The following MORC2 variants were observed in gnomAD, a reference collection of about 807,000 sequenced individuals.
MORC2 encodes the protein ATPase MORC2.
A neutral mutation model predicts 136.0 loss-of-function variants in MORC2; 30 were observed. That is an observed-to-expected ratio of 0.22 (90% CI 0.17 to 0.30). The LOEUF is 0.30. Ranked by LOEUF, MORC2 falls within the 10% of genes least tolerant of loss-of-function variation. The probability of loss-of-function intolerance (pLI) is 1.00; values close to 1 mark genes in which losing one functional copy is unlikely to be tolerated. For synonymous variants in MORC2, 439 were observed against 487.0 expected, an observed-to-expected ratio of 0.90 and a Z score of 1.30; for missense variants, 922 against 1,333.1, an observed-to-expected ratio of 0.69 and a Z score of 4.80.
At chr22:30,949,914 G>C (rs541172613) in intron 4 of MORC2, 72 bp from the exon 5 acceptor site, 78 of 1,415,054 alleles carry the variant, frequency 5.5e-5, no homozygotes, top group Middle Eastern at 3.6e-4. Flanking sequence ...TCAAAGGTCT[G>C]AGCCTTGTTA....
chr22:30,937,526 A>G lies in MORC2; in HGVS notation c.1498+57T>C. On this transcript the variant is annotated intron_variant, in intron 15 of 25. Coordinates refer to ENST00000397641, the MANE Select transcript of MORC2 (RefSeq NM_001303256.3). The surrounding 1 kb of genome is among the most constrained non-coding windows in gnomAD (Gnocchi z 4.7). Reference sequence around the variant, plus strand: ...TTAGGAGGCTGGCAGGAAGATAGAGAAAAGAGGCTTGTGGGCTGATGGAAA... The same window carrying G: ...TTAGGAGGCTGGCAGGAAGATAGAGGAAAGAGGCTTGTGGGCTGATGGAAA... 2 of 1,587,902 alleles carry G rather than the reference A, an allele frequency of 1.3e-6. No individual in the cohort carries two copies. The highest frequency in any genetic ancestry group is 1.7e-6 in the Non-Finnish European group (2 of 1,168,464).
chr22:30,927,929 T>A (rs5997811), intron 25 of MORC2, 90 bp downstream of exon 25: 12 of 1,477,774 alleles, frequency 8.1e-6, no homozygotes, highest in African/African-American at 2.8e-5. Context: ...TGTGAGTGGA[T>A]AGATTCTTGT....
rs975710781 is a variant in MORC2 at position 30,941,088 on chromosome 22, A to G, written c.825-251T>C. 2.0e-5 allele frequency among the ~76,000 whole-genome samples: 3 copies of G among 152,154 alleles called. No individual in the cohort carries two copies. The highest frequency in any genetic ancestry group is 2.1e-4 in the South Asian group (1 of 4,828). On this transcript the variant is annotated intron_variant, in intron 9 of 25. Coordinates refer to ENST00000397641, the MANE Select transcript of MORC2 (RefSeq NM_001303256.3). This position sits in a 1 kb window ranked among gnomAD's most constrained non-coding sequence, Gnocchi z 4.6. ...TTGTCATTCATCCCACAGCAGAAAC[A>G]AACCTCAGGAGTAAGCCAAGCCCAC...
chr22:30,961,898 A>T (rs1318323267), intron 1 of MORC2, among the ~76,000 whole-genome samples: 1 of 152,192 alleles, frequency 6.6e-6, no homozygotes, highest in Admixed American at 6.5e-5. Context: ...CACCTGCCAC[A>T]CAGTGCTTAG....
rs761141573 is a variant in MORC2 at position 30,941,813 on chromosome 22, C to A, written c.698+78G>T. 3.7e-5 allele frequency: 49 copies of A among 1,319,680 alleles called. No homozygotes were observed. The highest frequency in any genetic ancestry group is 5.2e-5 in the Non-Finnish European group (48 of 923,522). The allele number at this position is 1,319,680 out of a possible 1,614,324, so 81.7% of individuals were successfully genotyped here. A position where few individuals can be genotyped will look rare whatever the true frequency, so the allele number is the denominator to read the frequency against. ...GAACACTGGGCAATGAATGTGCTCTCCCCTCTTTCCCTGAAGCCATCTCCT... is the reference window on the plus strand; with the variant it reads ...GAACACTGGGCAATGAATGTGCTCTACCCTCTTTCCCTGAAGCCATCTCCT... On this transcript the variant is annotated intron_variant, in intron 8 of 25. Coordinates refer to ENST00000397641, the MANE Select transcript of MORC2 (RefSeq NM_001303256.3). This position sits in a 1 kb window ranked among gnomAD's most constrained non-coding sequence, Gnocchi z 4.6.
rs1387328742 is a variant in MORC2, at chr22:30,968,325, T to C, written c.-436A>G. On this transcript the variant is annotated 5_prime_UTR_variant, in exon 1 of 26. It removes the in-frame stop codon of an upstream open reading frame in the 5' UTR. Transcript: ENST00000397641. ...TCAGGAAATTTACCAACGCGGAAATTTACCCACTTCTGTCAGAAAACTGAT... is the reference window on the plus strand; with the variant it reads ...TCAGGAAATTTACCAACGCGGAAATCTACCCACTTCTGTCAGAAAACTGAT... 1 of 158,196 alleles carries C rather than the reference T, an allele frequency of 6.3e-6. No individual in the cohort carries two copies. Among genetic ancestry groups the C allele is most frequent in the East Asian group, 1.9e-4 (1 of 5,296 alleles). The allele number at this position is 158,196 out of a possible 1,614,324, so 9.8% of individuals were successfully genotyped here.
intron 4 of MORC2, 51 bp from the exon 5 acceptor site, chr22:30,949,893 G>A: frequency 1.3e-6 from 2 of 1,547,872 alleles, no homozygotes; most frequent in East Asian, 4.5e-5. Flanking sequence ...TCTTTCCCAG[G>A]GTCCTCAAAG....
chr22:30,960,423 T>C (rs2041026306), intron 1 of MORC2, among the ~76,000 whole-genome samples: 1 of 152,164 alleles, frequency 6.6e-6, no homozygotes, highest in African/African-American at 2.4e-5. Context: ...ACCTAGGAAA[T>C]AGAGTTCAAA....
chr22:30,964,243 G>A (rs1317984888), intron 1 of MORC2, among the ~76,000 whole-genome samples: 1 of 152,190 alleles, frequency 6.6e-6, no homozygotes, highest in African/African-American at 2.4e-5. Context: ...TGTAGTCCCA[G>A]CTACTTGGAA....
rs2040634210 is a variant in MORC2, at chr22:30,935,135, A to G, written c.1839T>C (p.Pro613=). Residue 613 remains proline (P), a synonymous_variant, in exon 19 of 26, where the codon CCT becomes CCC. Coordinates refer to ENST00000397641, the MANE Select transcript of MORC2 (RefSeq NM_001303256.3). Reference sequence around the variant, plus strand: ...TCACAGCAGGTAAAGGGGGCGACCGAGGACGCTGAGGTCTACGCACAGGTT... The same window carrying G: ...TCACAGCAGGTAAAGGGGGCGACCGGGGACGCTGAGGTCTACGCACAGGTT... The part of the protein sequence containing the change: ...TEEPVRRPQR[P]RSPPLPAVIR... The G allele has an allele frequency of 1.2e-6, 2 of 1,613,074 alleles. No individual in the cohort carries two copies. Among genetic ancestry groups the G allele is most frequent in the African/African-American group, 2.7e-5 (2 of 74,830 alleles).
At chr22:30,945,546 A>G (rs943361329) in intron 6 of MORC2, among the ~76,000 whole-genome samples, 10 of 152,116 alleles carry the variant, frequency 6.6e-5, no homozygotes, top group Non-Finnish European at 8.8e-5. Flanking sequence ...AGGAAAGGAG[A>G]TAAGAGTCCA....
chr22:30,927,408 G>C (rs921145916), intron 25 of MORC2, among the ~76,000 whole-genome samples: 1 of 152,134 alleles, frequency 6.6e-6, no homozygotes, highest in African/African-American at 2.4e-5. Flanking sequence ...CAGGCCTCAA[G>C]TCCTGCTCTT....
chr22:30,958,520 A>G, intron 2 of MORC2, 121 bp downstream of exon 2: 4 of 620,456 alleles, frequency 6.4e-6, no homozygotes, highest in Non-Finnish European at 1.1e-5. Context: ...GCATCCTAGG[A>G]GTTACAGAAT....
In MORC2 at chr22:30,940,049, CCA is replaced by C. The variant is rs757123225; in HGVS notation, c.905-10_905-9del. The C allele has an allele frequency of 6.2e-7, 1 of 1,612,736 alleles. No homozygotes were observed. The highest frequency in any genetic ancestry group is 1.3e-5 in the African/African-American group (1 of 74,880). On this transcript the variant is annotated splice_polypyrimidine_tract_variant and intron_variant, in intron 10 of 25. Coordinates refer to ENST00000397641, the MANE Select transcript of MORC2 (RefSeq NM_001303256.3). ...CCCGCGCCTTCTCTTCAGCTGAAAC[CCA>C]GAAGAGAACATGGTAAGAAATGCAA...
intron 1 of MORC2, among the ~76,000 whole-genome samples, chr22:30,963,041 G>A (rs929098524): frequency 6.6e-6 from 1 of 150,952 alleles, no homozygotes; most frequent in African/African-American, 2.4e-5. Context: ...TGGTGCGATC[G>A]GCTCACTGCA....
At chr22:30,933,070 T>G (rs767964676) in intron 21 of MORC2, 40 bp from the exon 22 acceptor site, 3 of 1,609,484 alleles carry the variant, frequency 1.9e-6, no homozygotes, top group Non-Finnish European at 2.5e-6. Context: ...AAAACTAGCG[T>G]AGAGTCCCTC....
At position 30,937,824 on chromosome 22, in the gene MORC2, T is replaced by C. The variant is rs746856419; in HGVS notation, c.1360A>G (p.Ile454Val). 2 of 1,614,034 alleles carry C rather than the reference T, an allele frequency of 1.2e-6. No homozygotes were observed. The highest frequency in any genetic ancestry group is 3.3e-5 in the Admixed American group (2 of 60,020). The stretch of plus-strand genomic sequence containing the variant: ...AGCCCAGCCCCATTACCGATGGCAA[T>C]ATCCTTCCAATACTGCGCCAGGTGC... ...GEHLAQYWKD[I>V]AIAQRGIIKF... is the part of the protein sequence containing the mutation. Residue 454 changes from isoleucine to valine, a missense_variant, in exon 14 of 26, where the codon ATT becomes GTT. Ile to Val is a conservative substitution (Grantham distance 29). This residue lies in a region of MORC2 where 119 missense variants were observed against 202.7 expected (regional missense o/e 0.59). Transcript: ENST00000397641. This position sits in a 1 kb window ranked among gnomAD's most constrained non-coding sequence, Gnocchi z 4.7.
chr22:30,959,876 C>T (rs1484674832), intron 1 of MORC2, among the ~76,000 whole-genome samples: 1 of 152,226 alleles, frequency 6.6e-6, no homozygotes, highest in Non-Finnish European at 1.5e-5. Context: ...AAATGTAAAA[C>T]ATTTATTAAA....
rs1602489695 is a variant in MORC2 at position 30,940,771 on chromosome 22, G to A, written c.891C>T (p.His297=). 8 of 1,613,956 alleles carry A rather than the reference G, an allele frequency of 5.0e-6. No individual in the cohort carries two copies. The highest frequency in any genetic ancestry group is 6.8e-6 in the Non-Finnish European group (8 of 1,179,964). ...GAGTGGCATTACCAATCCTTGCTAC[G>A]TGCTCTGCTTTCTTCACCTCCTGCT... ...RAEQEVKKAE[H]VARIAEEKAR... The change falls in exon 10 of 26, where the codon CAC becomes CAT. Residue 297 remains histidine (H), a synonymous_variant. Coordinates refer to ENST00000397641, the MANE Select transcript of MORC2 (RefSeq NM_001303256.3).
Sources: allele counts gnomAD v4.1 joint callset (sites outside exome capture counted in the v4.1 genomes callset), GRCh38; gene constraint gnomAD v4.1.1; regional missense constraint gnomAD v4.1.1; non-coding constraint Gnocchi (gnomAD v3.1); transcripts MANE v1.5; gene names NCBI Gene and HGNC (gene_info 2026-07-23, HGNC 2026-07-21).